CYRIB: variants seen among roughly 807,000 people sequenced by gnomAD.
CYRIB encodes CYFIP related Rac1 interactor B.
A neutral mutation model predicts 44.2 loss-of-function variants in CYRIB; 8 were observed. The ratio of observed to expected loss-of-function variants is 0.18; its 90% CI spans 0.11 to 0.33. The LOEUF (loss-of-function observed/expected upper bound fraction) is 0.33. CYRIB is among the 10% of genes least tolerant of loss of function. CYRIB has a pLI of 1.00. For synonymous variants in CYRIB, 131 were observed against 127.2 expected (o/e 1.03, Z -0.20); for missense variants, 185 against 382.8 (o/e 0.48, Z 4.31).
chr8:129,990,494 A>ATG lies in CYRIB; in HGVS notation c.-295-19501_-295-19500dup, dbSNP rs1162590962. On this transcript the variant is annotated intron_variant, in intron 1 of 14. Coordinates refer to the CYRIB transcript ENST00000401979. ...TGTGTGTGCATGCATGTGTGTGTGTATGCGTGTGTGTGTGTGTGTGTGTGT... is the reference window on the plus strand; with the variant it reads ...TGTGTGTGCATGCATGTGTGTGTGTATGTGCGTGTGTGTGTGTGTGTGTGTGT... Among the ~76,000 whole-genome samples, 14 of 125,150 alleles carry ATG rather than the reference A, an allele frequency of 1.1e-4. No individual in the cohort carries two copies. In the East Asian group the frequency reaches 2.8e-3, roughly 25 times the overall value. 82.1% of individuals were successfully genotyped at this position (125,150 alleles called of 152,430 possible). A position where few individuals can be genotyped will look rare whatever the true frequency, so the allele number is the denominator to read the frequency against.
intron 2 of CYRIB, among the ~76,000 whole-genome samples, chr8:129,968,352 T>A (rs2132057066): frequency 6.6e-6 from 1 of 152,378 alleles, no homozygotes; most frequent in East Asian, 1.9e-4. Context: ...AGTCAACCTA[T>A]TCTTTTTCCA....
At chr8:130,016,252 TCCCCGCACCCATCACGCGCGCG>T (rs1393505519) in intron 1 of CYRIB, 96 bp downstream of exon 1, 2 of 145,688 alleles carry the variant, frequency 1.4e-5, no homozygotes, top group Non-Finnish European at 3.0e-5. Context: ...CCTCCGCCTC[TCCCCGCACCCATCACGCGCGCG>T]CCCCGCACCC....
chr8:129,849,197 C>T (rs1394366575), intron 10 of CYRIB, 46 bp downstream of exon 12: 8 of 1,524,256 alleles, frequency 5.2e-6, no homozygotes, highest in Non-Finnish European at 7.0e-6. Context: ...CTATGGTTTC[C>T]ATGGAGAAAC....
chr8:129,843,121 G>A (rs778851248), intron 11 of CYRIB, among the ~76,000 whole-genome samples: 1 of 152,174 alleles, frequency 6.6e-6, no homozygotes, highest in East Asian at 1.9e-4. Context: ...AGCAGACGGA[G>A]AAAGATAATG....
At chr8:129,938,445 A>G in intron 1 of CYRIB, among the ~76,000 whole-genome samples, 1 of 152,228 alleles carries the variant, frequency 6.6e-6, no homozygotes, top group East Asian at 1.9e-4. Flanking sequence ...TCACTGACAT[A>G]CATTTTTCAC....
chr8:129,905,346 C>A (rs757499325), intron 1 of CYRIB, among the ~76,000 whole-genome samples: 1 of 152,066 alleles, frequency 6.6e-6, no homozygotes, highest in African/African-American at 2.4e-5. Context: ...GCCTCCCAAG[C>A]GGCTAGGACT....
chr8:130,016,005 G>A (rs1347338056), intron 1 of CYRIB, among the ~76,000 whole-genome samples: 1 of 151,920 alleles, frequency 6.6e-6, no homozygotes, highest in Admixed American at 6.5e-5. Context: ...GGTCTGCCAG[G>A]GACCAGCCAC....
chr8:129,960,070 T>C (rs2095148804), intron 2 of CYRIB, among the ~76,000 whole-genome samples: 2 of 152,178 alleles, frequency 1.3e-5, no homozygotes, highest in African/African-American at 2.4e-5. Flanking sequence ...AATTATCCCA[T>C]TTGAACTGGG....
intron 1 of CYRIB, among the ~76,000 whole-genome samples, chr8:129,905,009 T>C (rs772799176): frequency 3.9e-5 from 6 of 152,234 alleles, no homozygotes; most frequent in Non-Finnish European, 8.8e-5. Flanking sequence ...AATATCCATG[T>C]AAAACAGATT....
chr8:129,859,591 G>A (rs555457792), intron 5 of CYRIB, among the ~76,000 whole-genome samples: 29 of 152,308 alleles, frequency 1.9e-4, no homozygotes, highest in African/African-American at 7.0e-4. Context: ...TGGTGTCACC[G>A]CTAGACTAAG....
chr8:129,978,950 A>G (rs780351112), intron 1 of CYRIB, among the ~76,000 whole-genome samples: 9 of 152,120 alleles, frequency 5.9e-5, no homozygotes, highest in Non-Finnish European at 1.2e-4. Flanking sequence ...AGCCTGGCCA[A>G]CATAGTGAAA....
intron 1 of CYRIB, among the ~76,000 whole-genome samples, chr8:129,938,341 C>A (rs1261817098): frequency 2.0e-5 from 3 of 152,160 alleles, no homozygotes; most frequent in Non-Finnish European, 4.4e-5. Flanking sequence ...TAGTAAGTCA[C>A]CAAACACCCG....
chr8:129,972,932 G>A (rs1267438228), intron 1 of CYRIB, among the ~76,000 whole-genome samples: 1 of 152,216 alleles, frequency 6.6e-6, no homozygotes. Flanking sequence ...CTCCTCTTCA[G>A]CCTCATAGCA....
intron 5 of CYRIB, among the ~76,000 whole-genome samples, 200 bp from the exon 8 acceptor site, chr8:129,855,947 CA>C (rs1306226229): frequency 6.6e-6 from 1 of 152,180 alleles, no homozygotes; most frequent in Admixed American, 6.5e-5. Flanking sequence ...TACTATTTAA[CA>C]GAATAAAAAC....
chr8:129,842,574 G>A (rs554649834), intron 11 of CYRIB, among the ~76,000 whole-genome samples: 2 of 152,276 alleles, frequency 1.3e-5, no homozygotes, highest in South Asian at 4.1e-4. Context: ...TGTGGACTGT[G>A]AGCTAATTCT....
chr8:130,002,825 C>T (rs1206368233), intron 1 of CYRIB, among the ~76,000 whole-genome samples: 1 of 152,196 alleles, frequency 6.6e-6, no homozygotes, highest in Admixed American at 6.5e-5. Flanking sequence ...TAGCCAGGTG[C>T]GGTGGCCCAC....
chr8:129,973,682 T>A (rs1385409823), intron 1 of CYRIB, among the ~76,000 whole-genome samples: 1 of 152,208 alleles, frequency 6.6e-6, no homozygotes, highest in Non-Finnish European at 1.5e-5. Context: ...TGTCATTTAG[T>A]TCTTTAAAAA....
At chr8:129,915,933 TTGAAATC>T (rs2080517453) in intron 1 of CYRIB, among the ~76,000 whole-genome samples, 1 of 152,198 alleles carries the variant, frequency 6.6e-6, no homozygotes, top group African/African-American at 2.4e-5. Context: ...TATTTTAACT[TTGAAATC>T]TGATATATAG....
At chr8:129,938,137 T>G (rs1002161677) in intron 1 of CYRIB, among the ~76,000 whole-genome samples, 1 of 152,082 alleles carries the variant, frequency 6.6e-6, no homozygotes, top group Non-Finnish European at 1.5e-5. Context: ...AAAAAAGTGC[T>G]GTCATTTCAT....
Sources: allele counts gnomAD v4.1 joint callset (sites outside exome capture counted in the v4.1 genomes callset), GRCh38; gene constraint gnomAD v4.1.1; transcripts MANE v1.5; gene names NCBI Gene and HGNC (gene_info 2026-07-23, HGNC 2026-07-21).